Variants in HPSE2 observed in about 807,000 individuals in gnomAD.
The protein encoded by HPSE2 is inactive heparanase-2.
A neutral mutation model predicts 60.5 loss-of-function variants in HPSE2; 38 were observed. The observed-to-expected ratio is 0.63, with a 90% CI of 0.48 to 0.82. The LOEUF (loss-of-function observed/expected upper bound fraction) is 0.82, where lower values mean the gene tolerates loss of function less well. Ranked by LOEUF, HPSE2 falls within the 40% of genes least tolerant of loss-of-function variation. The pLI is 0.00. For missense variants in HPSE2, 713 were observed against 740.4 expected (o/e 0.96, Z 0.43); for synonymous variants, 295 against 293.2 (o/e 1.01, Z -0.06).
At chr10:98,996,923 G>A (rs1014484571) in intron 3 of HPSE2, among the ~76,000 whole-genome samples, 1 of 152,244 alleles carries the variant, frequency 6.6e-6, no homozygotes, top group African/African-American at 2.4e-5. Context: ...TGATGAAAAC[G>A]TACTGGGTGC....
At chr10:98,498,125 C>T (rs1474677160) in intron 9 of HPSE2, among the ~76,000 whole-genome samples, 2 of 152,146 alleles carry the variant, frequency 1.3e-5, no homozygotes, top group Admixed American at 6.6e-5. Flanking sequence ...AGCTCCAACT[C>T]GGACAGACAA....
intron 3 of HPSE2, among the ~76,000 whole-genome samples, chr10:98,826,902 C>A (rs1450674468): frequency 6.6e-6 from 1 of 152,150 alleles, no homozygotes; most frequent in African/African-American, 2.4e-5. Flanking sequence ...AATCCCAGCA[C>A]TTTGGGAGGC....
At chr10:98,726,311 A>T (rs973051652) in intron 4 of HPSE2, among the ~76,000 whole-genome samples, 1 of 152,130 alleles carries the variant, frequency 6.6e-6, no homozygotes, top group South Asian at 2.1e-4. Flanking sequence ...AGCCATAAAA[A>T]ATGATGAGTT....
intron 3 of HPSE2, among the ~76,000 whole-genome samples, chr10:98,941,641 A>G (rs1480785895): frequency 7.3e-6 from 1 of 137,838 alleles, no homozygotes; most frequent in Non-Finnish European, 1.5e-5. Context: ...TATCGTGAAA[A>G]TGGCCATACT....
At chr10:98,933,727 CT>C (rs1396890640) in intron 3 of HPSE2, among the ~76,000 whole-genome samples, 2 of 139,706 alleles carry the variant, frequency 1.4e-5, no homozygotes, top group Non-Finnish European at 3.0e-5. Flanking sequence ...TTGCCTTTTT[CT>C]TTTTCTTTTC....
chr10:98,814,216 TG>T (rs1818194469), intron 3 of HPSE2, among the ~76,000 whole-genome samples: 1 of 151,526 alleles, frequency 6.6e-6, no homozygotes, highest in South Asian at 2.1e-4. Context: ...TTAATAAAAT[TG>T]AAAAAAAAAT....
chr10:98,460,414 T>C (rs904216567), intron 11 of HPSE2, among the ~76,000 whole-genome samples: 3 of 151,984 alleles, frequency 2.0e-5, no homozygotes, highest in Non-Finnish European at 4.4e-5. Context: ...ATCGCTTGAG[T>C]CCAGGAGTTT....
intron 2 of HPSE2, among the ~76,000 whole-genome samples, chr10:99,161,096 C>T (rs931568564): frequency 1.3e-5 from 2 of 151,622 alleles, no homozygotes; most frequent in African/African-American, 4.8e-5. Context: ...TGGCATGTGC[C>T]TGTAGTCCCA....
At chr10:99,265,311 C>A in the HPSE2 span, among the ~76,000 whole-genome samples, 1 of 152,200 alleles carries the variant, frequency 6.6e-6, no homozygotes, top group Non-Finnish European at 1.5e-5. Context: ...TCCACCTGCA[C>A]CCAGGTGAAA....
chr10:98,971,350 TACTCAGTTAATG>T (rs1320316178), intron 3 of HPSE2, among the ~76,000 whole-genome samples: 2 of 152,276 alleles, frequency 1.3e-5, no homozygotes, highest in East Asian at 3.9e-4. Context: ...TAATTAATTC[TACTCAGTTAATG>T]ACACTTCATC....
intron 3 of HPSE2, among the ~76,000 whole-genome samples, chr10:99,096,587 T>C (rs1335944828): frequency 1.3e-5 from 2 of 152,206 alleles, no homozygotes; most frequent in African/African-American, 4.8e-5. Context: ...CTCTTCTGGA[T>C]TGACTGATTA....
chr10:99,232,273 G>T, intron 2 of HPSE2, 75 bp downstream of exon 2: 25 of 1,374,392 alleles, frequency 1.8e-5, no homozygotes, highest in Non-Finnish European at 2.4e-5. Context: ...ACAGACACAC[G>T]AACACACAGA....
intron 6 of HPSE2, among the ~76,000 whole-genome samples, chr10:98,691,956 C>T (rs976820249): frequency 2.0e-5 from 3 of 151,766 alleles, no homozygotes; most frequent in Non-Finnish European, 4.4e-5. Context: ...AAACTATTGT[C>T]TAAATAAGTA....
At chr10:98,482,932 C>T (rs1941300032) in intron 10 of HPSE2, 150 bp from the exon 11 acceptor site, 7 of 731,436 alleles carry the variant, frequency 9.6e-6, no homozygotes, top group Non-Finnish European at 2.3e-6. Flanking sequence ...GAAAGGAAGG[C>T]CTTGTTATTG....
intron 3 of HPSE2, among the ~76,000 whole-genome samples, chr10:98,805,707 G>C (rs963129208): frequency 6.6e-6 from 1 of 151,966 alleles, no homozygotes; most frequent in African/African-American, 2.4e-5. Context: ...TAGATATTTA[G>C]GTAAATAAAT....
At chr10:99,201,037 C>G (rs1285863509) in intron 2 of HPSE2, among the ~76,000 whole-genome samples, 1 of 152,088 alleles carries the variant, frequency 6.6e-6, no homozygotes, top group Non-Finnish European at 1.5e-5. Flanking sequence ...TTGTTTTCAG[C>G]TGATTTGACA....
At chr10:99,150,190 T>A (rs1846207508) in intron 2 of HPSE2, among the ~76,000 whole-genome samples, 1 of 152,210 alleles carries the variant, frequency 6.6e-6, no homozygotes, top group Non-Finnish European at 1.5e-5. Flanking sequence ...TCTGGACATC[T>A]AGGTATAAAA....
intron 4 of HPSE2, among the ~76,000 whole-genome samples, chr10:98,736,694 T>A (rs761134491): frequency 2.0e-5 from 3 of 152,234 alleles, no homozygotes; most frequent in African/African-American, 4.8e-5. Flanking sequence ...AGTTCTAGCA[T>A]ATAAGAGTTT....
intron 9 of HPSE2, among the ~76,000 whole-genome samples, chr10:98,554,116 T>G (rs921419897): frequency 2.9e-4 from 44 of 152,322 alleles, no homozygotes; most frequent in Non-Finnish European, 2.1e-4. Context: ...GAGAGAAATT[T>G]GCAGTGCATC....
Sources: gnomAD v4.1 joint callset for allele counts (sites outside exome capture counted in the v4.1 genomes callset) on GRCh38, gnomAD v4.1.1 for gene constraint, MANE v1.5 for transcripts, NCBI Gene and HGNC (gene_info 2026-07-23, HGNC 2026-07-21) for gene names.